Variants in TMEM108 observed in about 807,000 individuals in gnomAD.
The protein encoded by TMEM108 is cancer/testis antigen 124.
Under a neutral mutation model 35.1 loss-of-function variants are expected in TMEM108, and 12 were observed. The observed-to-expected ratio is 0.34, with a 90% CI of 0.22 to 0.55. The LOEUF (loss-of-function observed/expected upper bound fraction) is 0.55, where lower values mean the gene tolerates loss of function less well. Ranked by LOEUF, TMEM108 falls within the 20% of genes least tolerant of loss-of-function variation. The pLI, the probability that TMEM108 is intolerant of heterozygous loss-of-function variation, is 0.89. For missense variants in TMEM108, 680 were observed against 753.3 expected (o/e 0.90, Z 1.14); for synonymous variants, 287 against 308.6 (o/e 0.93, Z 0.73).
rs189047804 is a variant in TMEM108 at position 133,187,019 on chromosome 3, G to A, written c.-46-42247G>A. 3.4e-4 allele frequency among the ~76,000 whole-genome samples: 52 copies of A among 152,182 alleles called. No homozygotes were observed. In the East Asian group the frequency reaches 7.1e-3, roughly 21 times the overall value. On this transcript the variant is annotated intron_variant, in intron 2 of 5. Coordinates refer to ENST00000321871, the MANE Select transcript of TMEM108 (RefSeq NM_023943.4). ...CAGGCCTGTCTTCTCACACTATAAC[G>A]TGAAGGAATTGTACTATATTTGATT...
intron 5 of TMEM108, among the ~76,000 whole-genome samples, chr3:133,394,102 G>A (rs2073272502): frequency 6.6e-6 from 1 of 152,196 alleles, no homozygotes; most frequent in Admixed American, 6.5e-5. Flanking sequence ...CTATATGAGG[G>A]TAAATGCAGG....
intron 2 of TMEM108, among the ~76,000 whole-genome samples, chr3:133,105,759 C>T (rs1944142716): frequency 6.6e-6 from 1 of 152,214 alleles, no homozygotes. Flanking sequence ...ACTATTGCTT[C>T]TGCTAGAACT....
chr3:133,070,521 A>G (rs1474924337), intron 2 of TMEM108, among the ~76,000 whole-genome samples: 3 of 152,112 alleles, frequency 2.0e-5, no homozygotes, highest in Admixed American at 6.6e-5. Context: ...TGCAACCTAT[A>G]AGCAAGTGCT....
intron 3 of TMEM108, among the ~76,000 whole-genome samples, chr3:133,343,216 C>G (rs1316478185): frequency 6.6e-6 from 1 of 151,778 alleles, no homozygotes; most frequent in African/African-American, 2.4e-5. Context: ...TTGACAGCAA[C>G]AAATGCTGGT....
At chr3:133,084,441 T>C (rs1475143284) in intron 2 of TMEM108, among the ~76,000 whole-genome samples, 3 of 152,182 alleles carry the variant, frequency 2.0e-5, no homozygotes, top group African/African-American at 4.8e-5. Context: ...TGTGCACATA[T>C]CTCATTAGGA....
intron 3 of TMEM108, among the ~76,000 whole-genome samples, chr3:133,276,009 C>T (rs1196684645): frequency 6.6e-6 from 1 of 152,160 alleles, no homozygotes; most frequent in Non-Finnish European, 1.5e-5. Context: ...CTGGTTAAAT[C>T]ATCTCCCTTG....
At chr3:133,208,900 A>G (rs1359056265) in intron 2 of TMEM108, among the ~76,000 whole-genome samples, 2 of 152,156 alleles carry the variant, frequency 1.3e-5, no homozygotes, top group African/African-American at 2.4e-5. Context: ...GAAGATAACA[A>G]CTTTTCTTTT....
intron 2 of TMEM108, among the ~76,000 whole-genome samples, chr3:133,114,316 G>T (rs141542168): frequency 9.3e-4 from 142 of 152,262 alleles, no homozygotes; most frequent in African/African-American, 3.1e-3. Flanking sequence ...TAAAACCCTA[G>T]AATCTATGGC....
Position 133,379,864 on chromosome 3 carries a change from G to A in TMEM108, c.153G>A (p.Val51=), listed in dbSNP as rs376694463. 8.1e-6 allele frequency: 13 copies of A among 1,613,824 alleles called. No homozygotes were observed. Among genetic ancestry groups the A allele is most frequent in the African/African-American group, 1.3e-5 (1 of 74,850 alleles). ...CAGGCACTCCCCCGGGAACCATGGTGACAGCACCCCACAGCTCTACCAGAC... is the reference window on the plus strand; with the variant it reads ...CAGGCACTCCCCCGGGAACCATGGTAACAGCACCCCACAGCTCTACCAGAC... ...LPSGTPPGTM[V]TAPHSSTRHT... The change falls in exon 4 of 6, where the codon GTG becomes GTA. Residue 51 remains valine, a synonymous_variant. Coordinates refer to ENST00000321871, the MANE Select transcript of TMEM108 (RefSeq NM_023943.4).
At chr3:133,134,206 G>A (rs1482811122) in intron 2 of TMEM108, among the ~76,000 whole-genome samples, 1 of 151,904 alleles carries the variant, frequency 6.6e-6, no homozygotes, top group Non-Finnish European at 1.5e-5. Flanking sequence ...GGGAATGTTG[G>A]TATATCAGTC....
chr3:133,075,686 A>G lies in TMEM108; in HGVS notation c.-47+29666A>G, dbSNP rs370232302. Among the ~76,000 whole-genome samples the G allele has an allele frequency of 2.6e-5, 4 of 152,088 alleles. No individual in the cohort carries two copies. The East Asian group carries it at 5.8e-4, about 22-fold the overall frequency. On this transcript the variant is annotated intron_variant, in intron 2 of 5. Transcript: ENST00000321871. ...TCTTTTTGATAATATCCATTCTAAC[A>G]GGTGTGAGGTGATATCTTATTGTGG...
chr3:133,192,774 G>A (rs28536096), intron 2 of TMEM108: 36,054 of 152,230 alleles, frequency 0.24, 4,582 homozygotes, highest in Middle Eastern at 0.37. Flanking sequence ...AGGAGGAAGC[G>A]GGTGAGGCGG....
intron 2 of TMEM108, among the ~76,000 whole-genome samples, chr3:133,138,857 G>A (rs1245041451): frequency 2.0e-5 from 3 of 151,796 alleles, no homozygotes; most frequent in African/African-American, 4.8e-5. Context: ...GTGGTTTGTG[G>A]CACCCATCAA....
At chr3:133,242,831 A>G (rs1367969395) in intron 3 of TMEM108, among the ~76,000 whole-genome samples, 1 of 152,220 alleles carries the variant, frequency 6.6e-6, no homozygotes, top group Non-Finnish European at 1.5e-5. Flanking sequence ...ATTTTTCCAC[A>G]GAACAGAGCC....
At chr3:133,107,420 A>G (rs1344398875) in intron 2 of TMEM108, among the ~76,000 whole-genome samples, 1 of 151,456 alleles carries the variant, frequency 6.6e-6, no homozygotes, top group Non-Finnish European at 1.5e-5. Flanking sequence ...ATGCCGAGGC[A>G]AATCTGTGGG....
At chr3:133,101,366 G>GCCTC (rs563245753) in intron 2 of TMEM108, among the ~76,000 whole-genome samples, 79 of 152,298 alleles carry the variant, frequency 5.2e-4, no homozygotes, top group African/African-American at 1.8e-3. Flanking sequence ...TACATCAACA[G>GCCTC]CCTCTAGCCT....
At chr3:133,309,836 G>A (rs1221205829) in intron 3 of TMEM108, among the ~76,000 whole-genome samples, 1 of 151,710 alleles carries the variant, frequency 6.6e-6, no homozygotes, top group Non-Finnish European at 1.5e-5. Context: ...AAGTAGCTGG[G>A]ACTACAGGCG....
chr3:133,364,926 C>A (rs1278409488), intron 3 of TMEM108, among the ~76,000 whole-genome samples: 3 of 152,196 alleles, frequency 2.0e-5, no homozygotes, highest in African/African-American at 7.2e-5. Flanking sequence ...ACGCCAAGTC[C>A]TTACCCAACC....
chr3:133,268,897 C>T (rs908300986), intron 3 of TMEM108, among the ~76,000 whole-genome samples: 2 of 152,190 alleles, frequency 1.3e-5, no homozygotes, highest in African/African-American at 4.8e-5. Context: ...ATGACCTTTC[C>T]AAGCATTGTC....
Sources: gnomAD v4.1 joint callset for allele counts (sites outside exome capture counted in the v4.1 genomes callset) on GRCh38, gnomAD v4.1.1 for gene constraint, MANE v1.5 for transcripts, NCBI Gene and HGNC (gene_info 2026-07-23, HGNC 2026-07-21) for gene names.